HEATR6: variants seen among roughly 807,000 people sequenced by gnomAD.
HEATR6 encodes HEAT repeat-containing protein 6.
A neutral mutation model predicts 132.8 loss-of-function variants in HEATR6; 106 were observed. The ratio of observed to expected loss-of-function variants is 0.80; its 90% CI spans 0.68 to 0.94. HEATR6 has a LOEUF of 0.94. Ranked by LOEUF, HEATR6 falls within the 40% of genes least tolerant of loss-of-function variation. The pLI is 0.00. For synonymous variants in HEATR6, 529 were observed against 537.8 expected (o/e 0.98, Z 0.23); for missense variants, 1,339 against 1,425.1 (o/e 0.94, Z 0.97).
rs397857601 is a variant in HEATR6, at chr17:60,043,906, AG to A, written c.3202del (p.Leu1068TyrfsTer9). The A allele has an allele frequency of 1.2e-6, 2 of 1,614,150 alleles. No individual in the cohort carries two copies. The highest frequency in any genetic ancestry group is 1.7e-6 in the Non-Finnish European group (2 of 1,180,008). ...CAGTGCCTGGCAGATTTGGGTCCGTAGGCTGACACAGTACTTGAATTCCAAA... is the reference window on the plus strand; with the variant it reads ...CAGTGCCTGGCAGATTTGGGTCCGTAGCTGACACAGTACTTGAATTCCAAA... Reference protein sequence around the residue: ...DFLEFKYCVSLRTQICQALIH... With the variant: ...DFLEFKYCVSXRTQICQALIH... On this transcript the variant is annotated frameshift_variant, in exon 20 of 20. Coordinates refer to ENST00000184956, the MANE Select transcript of HEATR6 (RefSeq NM_022070.5). LOFTEE classifies it high-confidence loss of function.
chr17:60,048,204 A>T, intron 17 of HEATR6, 60 bp downstream of exon 17: 5 of 1,414,894 alleles, frequency 3.5e-6, no homozygotes, highest in Non-Finnish European at 4.9e-6. Flanking sequence ...GAGATCGAGG[A>T]CATTCTCTTG....
intron 2 of HEATR6, 175 bp downstream of exon 2, chr17:60,075,955 A>G (rs574763553): frequency 2.2e-6 from 1 of 460,816 alleles, no homozygotes; most frequent in African/African-American, 2.0e-5. Context: ...TCTACAGAAT[A>G]ATTTTTTTGG....
At position 60,043,223 on chromosome 17, in the gene HEATR6, A is replaced by T. The variant is rs1426932931; in HGVS notation, c.*340T>A. 3 of 280,354 alleles carry T rather than the reference A, an allele frequency of 1.1e-5. No individual in the cohort carries two copies. Among genetic ancestry groups the T allele is most frequent in the Non-Finnish European group, 2.0e-5 (3 of 146,386 alleles). 17.4% of individuals were successfully genotyped at this position (280,354 alleles called of 1,614,324 possible). A position where few individuals can be genotyped will look rare whatever the true frequency, so the allele number is the denominator to read the frequency against. The stretch of plus-strand genomic sequence containing the variant: ...TTTCGTTAGTTTATTACAAAACTAC[A>T]GATACAATACACAAAATTCTAATTC... On this transcript the variant is annotated 3_prime_UTR_variant, in exon 20 of 20. Coordinates refer to ENST00000184956, the MANE Select transcript of HEATR6 (RefSeq NM_022070.5).
At chr17:60,056,988 GT>G in intron 12 of HEATR6, 59 bp downstream of exon 12, 1 of 1,316,282 alleles carries the variant, frequency 7.6e-7, no homozygotes, top group South Asian at 1.4e-5. Flanking sequence ...GCTCCTCACA[GT>G]CACTCTGAAG....
chr17:60,062,177 C>G (rs2083215775), intron 9 of HEATR6, among the ~76,000 whole-genome samples: 1 of 152,296 alleles, frequency 6.6e-6, no homozygotes, highest in African/African-American at 2.4e-5. Context: ...GATACTGAAT[C>G]TGGTACAAGT....
In HEATR6 at chr17:60,069,871, C is replaced by T. The variant is rs767898851; in HGVS notation, c.802-23G>A. ...TTTCTAATAATGATGAATAAGGACA[C>T]ACACACACACACGAAACCAAAAAAA... On this transcript the variant is annotated intron_variant, in intron 6 of 19. Coordinates refer to ENST00000184956, the MANE Select transcript of HEATR6 (RefSeq NM_022070.5). 2.6e-5 allele frequency: 41 copies of T among 1,603,834 alleles called. No individual in the cohort carries two copies. The Middle Eastern group carries it at 1.5e-3, about 58-fold the overall frequency.
chr17:60,050,484 T>C (rs1162373742), intron 15 of HEATR6, among the ~76,000 whole-genome samples: 1 of 152,166 alleles, frequency 6.6e-6, no homozygotes, highest in African/African-American at 2.4e-5. Flanking sequence ...TTATTGATGA[T>C]AATACCAAGT....
In HEATR6 at chr17:60,048,975, A is replaced by AACG. The variant is rs561131622; in HGVS notation, c.2548-588_2548-587insCGT. Among the ~76,000 whole-genome samples, 251 of 63,814 alleles carry AACG rather than the reference A, an allele frequency of 3.9e-3. 2 individuals carry two copies. Among genetic ancestry groups the AACG allele is most frequent in the African/African-American group, 0.024 (158 of 6,706 alleles). 41.9% of individuals were successfully genotyped at this position (63,814 alleles called of 152,430 possible). ...ATTAAAAATTAAAAATAAATAACAT[A>AACG]TATATATAATATATATATATATATA... On this transcript the variant is annotated intron_variant, in intron 16 of 19. Coordinates refer to ENST00000184956, the MANE Select transcript of HEATR6 (RefSeq NM_022070.5).
intron 15 of HEATR6, among the ~76,000 whole-genome samples, chr17:60,050,377 T>G (rs1906537592): frequency 6.6e-6 from 1 of 152,194 alleles, no homozygotes; most frequent in Non-Finnish European, 1.5e-5. Flanking sequence ...TGGTATTTTA[T>G]TATAACAGCT....
rs941345917 is a variant in HEATR6, at chr17:60,078,718, T to G, written c.197A>C (p.Glu66Ala). The change falls in exon 1 of 20, where the codon GAG becomes GCG. Residue 66 changes from glutamate to alanine, a missense_variant. Transcript: ENST00000184956. ...FDQLISENYSEGSGVAPEDVS... is the reference protein window; with the variant it reads ...FDQLISENYSAGSGVAPEDVS... ...TACCTCCGGGGCCACGCCACTGCCC[T>G]CGCTGTAGTTCTCGGAGATGAGCTG... The G allele has an allele frequency of 2.2e-5, 34 of 1,546,364 alleles. No individual in the cohort carries two copies. Among genetic ancestry groups the G allele is most frequent in the Non-Finnish European group, 2.9e-5 (33 of 1,147,346 alleles).
intron 13 of HEATR6, among the ~76,000 whole-genome samples, 190 bp from the exon 14 acceptor site, chr17:60,055,791 G>T (rs72488583): frequency 6.6e-6 from 1 of 152,116 alleles, no homozygotes; most frequent in Non-Finnish European, 1.5e-5. Flanking sequence ...TTTGGAGATC[G>T]CCTCAAATCA....
chr17:60,044,188 T>C, intron 19 of HEATR6, 54 bp from the exon 20 acceptor site: 1 of 1,397,876 alleles, frequency 7.2e-7, no homozygotes, highest in East Asian at 2.3e-5. Flanking sequence ...CTAGGTGGGG[T>C]GAGAGGGAGA....
At position 60,067,649 on chromosome 17, in the gene HEATR6, C is replaced by T. The variant is rs780940625; in HGVS notation, c.1023G>A (p.Glu341=). Residue 341 remains glutamate (E), a synonymous_variant, in exon 8 of 20, where the codon GAG becomes GAA. Coordinates refer to ENST00000184956, the MANE Select transcript of HEATR6 (RefSeq NM_022070.5). ...TGCCTGTGCCAGTGACTGGGGCTGC[C>T]TCTATTTCACCACTGGATTCCTTTT... The part of the protein sequence containing the change: ...EEEKESSGEI[E]AAPVTGTGRV... 1.2e-6 allele frequency: 2 copies of T among 1,613,050 alleles called. No individual in the cohort carries two copies. Among genetic ancestry groups the T allele is most frequent in the East Asian group, 4.5e-5 (2 of 44,806 alleles).
intron 2 of HEATR6, among the ~76,000 whole-genome samples, chr17:60,075,275 G>C (rs967644999): frequency 1.3e-5 from 2 of 152,212 alleles, no homozygotes; most frequent in African/African-American, 4.8e-5. Flanking sequence ...GCTGAGGACG[G>C]TGAAGGGAAA....
chr17:60,041,337 G>C lies in HEATR6; in HGVS notation c.*2226C>G, dbSNP rs1022894235. ...TTTATTCAAGATAAGGAAAGGATAA[G>C]AGTGAATCATCAAATGAAACCATGA... On this transcript the variant is annotated 3_prime_UTR_variant, in exon 20 of 20. Coordinates refer to ENST00000184956, the MANE Select transcript of HEATR6 (RefSeq NM_022070.5). Among the ~76,000 whole-genome samples, 15 of 152,202 alleles carry C rather than the reference G, an allele frequency of 9.9e-5. No individual in the cohort carries two copies. The highest frequency in any genetic ancestry group is 2.2e-4 in the Non-Finnish European group (15 of 68,042).
At chr17:60,073,367 C>G in intron 3 of HEATR6, 88 bp from the exon 4 acceptor site, 4 of 783,670 alleles carry the variant, frequency 5.1e-6, no homozygotes, top group Non-Finnish European at 8.5e-6. Flanking sequence ...CTTTTTTTAA[C>G]TAAATGGCAG....
chr17:60,050,717 C>CTCAAGTAGAACTAGCGCCTTT, intron 15 of HEATR6, 126 bp downstream of exon 15: 1 of 1,167,352 alleles, frequency 8.6e-7, no homozygotes, highest in Non-Finnish European at 1.2e-6. Flanking sequence ...TCATCCCCAA[C>CTCAAGTAGAACTAGCGCCTTT]TCAAGTAGAA....
chr17:60,077,183 A>G (rs1464708473), intron 1 of HEATR6, among the ~76,000 whole-genome samples: 2 of 152,216 alleles, frequency 1.3e-5, no homozygotes, highest in Non-Finnish European at 2.9e-5. Flanking sequence ...ATAAAGTACA[A>G]ACTCTGTCCA....
chr17:60,078,669 C>A (rs1228114637), intron 1 of HEATR6, 27 bp downstream of exon 1: 5 of 1,520,908 alleles, frequency 3.3e-6, no homozygotes, highest in Non-Finnish European at 4.4e-6. Context: ...GGGGCCGGGG[C>A]CGGGGCCAGC....
Sources: gnomAD v4.1 joint callset for allele counts (sites outside exome capture counted in the v4.1 genomes callset) on GRCh38, gnomAD v4.1.1 for gene constraint, MANE v1.5 for transcripts, NCBI Gene and HGNC (gene_info 2026-07-23, HGNC 2026-07-21) for gene names.